Variants in SPTB observed in about 807,000 individuals in gnomAD.
SPTB encodes spectrin beta, erythrocytic.
Under a neutral mutation model 256.2 loss-of-function variants are expected in SPTB, and 45 were observed. That is an observed-to-expected ratio of 0.18 (90% CI 0.14 to 0.23). The LOEUF is 0.23. SPTB is among the 10% of genes least tolerant of loss of function. The pLI, the probability that SPTB is intolerant of heterozygous loss-of-function variation, is 1.00. For synonymous variants in SPTB, 1,231 were observed against 1,243.1 expected (o/e 0.99, Z 0.21); for missense variants, 2,715 against 3,040.4 (o/e 0.89, Z 2.52).
intron 1 of SPTB, among the ~76,000 whole-genome samples, chr14:64,857,761 GA>G (rs1031251107): frequency 6.6e-6 from 1 of 152,022 alleles, no homozygotes; most frequent in Non-Finnish European, 1.5e-5. Flanking sequence ...AGAAAGATGG[GA>G]ACTGCTGGCA....
chr14:64,781,452 A>G (rs2082470122), intron 20 of SPTB, among the ~76,000 whole-genome samples: 2 of 152,228 alleles, frequency 1.3e-5, no homozygotes. Flanking sequence ...GCAGGCAACA[A>G]TATATGAAAA....
chr14:64,859,625 T>C (rs982468340), intron 1 of SPTB, among the ~76,000 whole-genome samples: 1 of 152,060 alleles, frequency 6.6e-6, no homozygotes, highest in Non-Finnish European at 1.5e-5. Flanking sequence ...ATACCTGTGG[T>C]CCTAGTTATT....
intron 15 of SPTB, among the ~76,000 whole-genome samples, chr14:64,788,042 T>C (rs1264384099): frequency 1.3e-5 from 2 of 152,202 alleles, no homozygotes; most frequent in African/African-American, 2.4e-5. Flanking sequence ...CCATGCCCTG[T>C]GGGGTGTATG....
chr14:64,785,762 G>A lies in SPTB; in HGVS notation c.3751C>T (p.Leu1251=). The change falls in exon 17 of 36, where the codon CTG becomes TTG. Residue 1251 remains leucine, a synonymous_variant. Coordinates refer to ENST00000644917, the MANE Select transcript of SPTB (RefSeq NM_001355436.2). The surrounding 1 kb of genome is among the most constrained non-coding windows in gnomAD (Gnocchi z 4.4). ...GCCCGGGAGTACCTGTCCTCAATCA[G>A]CTGCACCTTCTCCTTGATCTTGTCT... ...YSDKIKEKVQ[L]IEDRHRKNNE... is the part of the protein sequence containing the mutation. 6.2e-7 allele frequency: 1 copy of A among 1,614,078 alleles called. No homozygotes were observed. The highest frequency in any genetic ancestry group is 1.1e-5 in the South Asian group (1 of 91,072).
intron 32 of SPTB, among the ~76,000 whole-genome samples, chr14:64,761,285 T>C (rs539632286): frequency 2.0e-5 from 3 of 152,102 alleles, no homozygotes; most frequent in African/African-American, 7.2e-5. Flanking sequence ...GAAAAAGAAA[T>C]GGTTTGTTGA....
intron 1 of SPTB, among the ~76,000 whole-genome samples, chr14:64,869,822 G>T (rs1332467964): frequency 1.4e-4 from 21 of 146,444 alleles, no homozygotes; most frequent in Non-Finnish European, 2.7e-4. Context: ...GTAGAGACAG[G>T]TCTTGCTATG....
chr14:64,793,929 C>A lies in SPTB; in HGVS notation c.1796-62G>T. The A allele has an allele frequency of 6.5e-7, 1 of 1,535,054 alleles. No individual in the cohort carries two copies. The highest frequency in any genetic ancestry group is 1.2e-5 in the South Asian group (1 of 80,700). On this transcript the variant is annotated intron_variant, in intron 13 of 35. Coordinates refer to ENST00000644917, the MANE Select transcript of SPTB (RefSeq NM_001355436.2). The surrounding 1 kb of genome is among the most constrained non-coding windows in gnomAD (Gnocchi z 7.0). ...ATGGGCTTCATTTATGGGCACGCTTCAGATAAGCTGCTAGGTTGGAACTAC... is the reference window on the plus strand; with the variant it reads ...ATGGGCTTCATTTATGGGCACGCTTAAGATAAGCTGCTAGGTTGGAACTAC...
intron 15 of SPTB, among the ~76,000 whole-genome samples, chr14:64,788,792 A>T (rs570418635): frequency 6.6e-6 from 1 of 152,076 alleles, no homozygotes; most frequent in Non-Finnish European, 1.5e-5. Context: ...TGTCTTTGAG[A>T]TGGAGGAGGT....
Position 64,772,498 on chromosome 14 carries a change from T to C in SPTB, c.5553+82A>G. The C allele has an allele frequency of 6.4e-7, 1 of 1,565,454 alleles. No individual in the cohort carries two copies. The highest frequency in any genetic ancestry group is 1.3e-5 in the African/African-American group (1 of 74,350). Reference sequence around the variant, plus strand: ...CCTCCTGGCACTTATCCTAGAGGTTTTCCTGCTGACAGCCAGGTGGGGACT... The same window carrying C: ...CCTCCTGGCACTTATCCTAGAGGTTCTCCTGCTGACAGCCAGGTGGGGACT... On this transcript the variant is annotated intron_variant, in intron 26 of 35. Transcript: ENST00000644917. This position sits in a 1 kb window ranked among gnomAD's most constrained non-coding sequence, Gnocchi z 5.4.
At chr14:64,815,457 A>G (rs1308166075) in intron 2 of SPTB, among the ~76,000 whole-genome samples, 1 of 152,198 alleles carries the variant, frequency 6.6e-6, no homozygotes, top group Non-Finnish European at 1.5e-5. Context: ...GGAGATGACA[A>G]CAGCTATAAG....
At position 64,785,698 on chromosome 14, in the gene SPTB, A is replaced by G. The variant is rs2082552623; in HGVS notation, c.3764+51T>C. The G allele has an allele frequency of 2.5e-6, 4 of 1,613,420 alleles. No individual in the cohort carries two copies. Among genetic ancestry groups the G allele is most frequent in the South Asian group, 1.1e-5 (1 of 91,052 alleles). ...GGTCCTCACCAAGCTTGGGGTCCTC[A>G]CTACCCCCGTGTGGCTCTGGGGGCC... On this transcript the variant is annotated intron_variant, in intron 17 of 35. Coordinates refer to ENST00000644917, the MANE Select transcript of SPTB (RefSeq NM_001355436.2). The surrounding 1 kb of genome is among the most constrained non-coding windows in gnomAD (Gnocchi z 4.4).
rs1377374912 is a variant in SPTB, at chr14:64,748,241, C to T, written c.*1065G>A. 6.7e-6 allele frequency: 1 copy of T among 149,742 alleles called. No homozygotes were observed. Among genetic ancestry groups the T allele is most frequent in the Non-Finnish European group, 1.5e-5 (1 of 68,012 alleles). The allele number at this position is 149,742 out of a possible 1,614,324, so 9.3% of individuals were successfully genotyped here. Reference sequence around the variant, plus strand: ...TACTGTCTGCCCAGCCATTACCCTCCAAAGTCCCAGCTGCAGACAGGATGC... The same window carrying T: ...TACTGTCTGCCCAGCCATTACCCTCTAAAGTCCCAGCTGCAGACAGGATGC... On this transcript the variant is annotated 3_prime_UTR_variant, in exon 36 of 36. Coordinates refer to ENST00000644917, the MANE Select transcript of SPTB (RefSeq NM_001355436.2).
At chr14:64,809,679 T>C (rs1222105852) in intron 2 of SPTB, among the ~76,000 whole-genome samples, 1 of 152,220 alleles carries the variant, frequency 6.6e-6, no homozygotes, top group Non-Finnish European at 1.5e-5. Context: ...CTAAGAAGTT[T>C]AGATTTAATC....
rs74056031 is a variant in SPTB, at chr14:64,810,130, T to C, written c.149-5040A>G. Among the ~76,000 whole-genome samples, 314 of 152,334 alleles carry C rather than the reference T, an allele frequency of 2.1e-3. 3 individuals carry two copies. Among genetic ancestry groups the C allele is most frequent in the African/African-American group, 7.1e-3 (294 of 41,580 alleles). On this transcript the variant is annotated intron_variant, in intron 2 of 35. Transcript: ENST00000644917. ...TCTATCAAAGAATAGTGTAAACTTATAGTAAAACTGTGTTGTACTAGCATA... is the reference window on the plus strand; with the variant it reads ...TCTATCAAAGAATAGTGTAAACTTACAGTAAAACTGTGTTGTACTAGCATA...
rs777334501 is a variant in SPTB at position 64,802,235 on chromosome 14, T to C, written c.557A>G (p.Lys186Arg). 1 of 1,614,234 alleles carries C rather than the reference T, an allele frequency of 6.2e-7. No individual in the cohort carries two copies. The highest frequency in any genetic ancestry group is 1.1e-5 in the South Asian group (1 of 91,088). ...GGTTCCCAGGGCATACCCTGCCGTC[T>C]TCATCTGACACCACAACAGCAACGC... Reference protein sequence around the residue: ...KDALLLWCQMKTAGYPHVNVT... With the variant: ...KDALLLWCQMRTAGYPHVNVT... The change falls in exon 5 of 36, where the codon AAG becomes AGG. Residue 186 changes from lysine (K) to arginine (R), a missense_variant. Lys to Arg is a conservative substitution (Grantham distance 26). Coordinates refer to ENST00000644917, the MANE Select transcript of SPTB (RefSeq NM_001355436.2). The surrounding 1 kb of genome is among the most constrained non-coding windows in gnomAD (Gnocchi z 5.1).
intron 1 of SPTB, among the ~76,000 whole-genome samples, chr14:64,869,874 C>T (rs1882430717): frequency 6.6e-6 from 1 of 151,238 alleles, no homozygotes; most frequent in African/African-American, 2.4e-5. Context: ...AAGCGATCTG[C>T]CCACCTCAGC....
At chr14:64,864,220 G>A (rs1566809546) in intron 1 of SPTB, among the ~76,000 whole-genome samples, 1 of 152,088 alleles carries the variant, frequency 6.6e-6, no homozygotes, top group Non-Finnish European at 1.5e-5. Context: ...ACTTTGGGAG[G>A]CCAAGGTGGG....
At chr14:64,791,940 A>T in intron 14 of SPTB, 84 bp from the exon 15 acceptor site, 1 of 1,573,684 alleles carries the variant, frequency 6.4e-7, no homozygotes, top group Non-Finnish European at 8.7e-7. Context: ...TCTCCAGAAC[A>T]TGTAGCTCTT....
Position 64,844,095 on chromosome 14 carries a change from CTACCCA to C in SPTB, c.-51-20956_-51-20951del, listed in dbSNP as rs1287728599. Among the ~76,000 whole-genome samples, 1 of 152,112 alleles carries C rather than the reference CTACCCA, an allele frequency of 6.6e-6. No homozygotes were observed. The highest frequency in any genetic ancestry group is 1.5e-5 in the Non-Finnish European group (1 of 68,030). ...CAGTTGAGATCCAACAAGAGTGGAC[CTACCCA>C]TCCTCAAAATGGTACACCCAGGCTG... On this transcript the variant is annotated intron_variant, in intron 1 of 35. Coordinates refer to ENST00000644917, the MANE Select transcript of SPTB (RefSeq NM_001355436.2). The surrounding 1 kb of genome is among the most constrained non-coding windows in gnomAD (Gnocchi z 4.1).
Sources: gnomAD v4.1 joint callset for allele counts (sites outside exome capture counted in the v4.1 genomes callset) on GRCh38, gnomAD v4.1.1 for gene constraint, Gnocchi (gnomAD v3.1) non-coding constraint, MANE v1.5 for transcripts, NCBI Gene and HGNC (gene_info 2026-07-23, HGNC 2026-07-21) for gene names.